The following MDGA2 variants were observed in gnomAD, a reference collection of about 807,000 sequenced individuals.
The protein encoded by MDGA2 is MAM domain containing glycosylphosphatidylinositol anchor 2, also known as MAM domain-containing glycosylphosphatidylinositol anchor protein 2.
A neutral mutation model predicts 117.8 loss-of-function variants in MDGA2; 40 were observed. The ratio of observed to expected loss-of-function variants is 0.34; its 90% CI spans 0.26 to 0.44. The LOEUF is 0.44. Ranked by LOEUF, MDGA2 falls within the 20% of genes least tolerant of loss-of-function variation. The pLI is 1.00. For missense variants in MDGA2, 1,123 were observed against 1,250.6 expected (o/e 0.90, Z 1.54); for synonymous variants, 452 against 439.0 (o/e 1.03, Z -0.37).
intron 1 of MDGA2, among the ~76,000 whole-genome samples, chr14:47,306,756 CA>C (rs1251883449): frequency 2.0e-5 from 3 of 151,778 alleles, no homozygotes; most frequent in African/African-American, 7.3e-5. Context: ...AACAGCTCAG[CA>C]AACCATGCTG....
chr14:47,308,135 A>C (rs1385127992), intron 1 of MDGA2, among the ~76,000 whole-genome samples: 1 of 152,186 alleles, frequency 6.6e-6, no homozygotes, highest in Non-Finnish European at 1.5e-5. Flanking sequence ...ATTTTGACTG[A>C]GCAATGGCTG....
intron 11 of MDGA2, among the ~76,000 whole-genome samples, chr14:46,878,383 T>C (rs1011975150): frequency 8.6e-5 from 13 of 151,976 alleles, no homozygotes; most frequent in African/African-American, 3.1e-4. Context: ...CAGAATGTAG[T>C]TTCCCAGGAT....
At chr14:47,398,434 T>C (rs188203054) in intron 1 of MDGA2, among the ~76,000 whole-genome samples, 11 of 152,306 alleles carry the variant, frequency 7.2e-5, no homozygotes, top group African/African-American at 2.4e-4. Flanking sequence ...CCATCTCATT[T>C]TATACTTTAC....
intron 2 of MDGA2, among the ~76,000 whole-genome samples, chr14:47,224,808 A>G (rs1886427231): frequency 6.6e-6 from 1 of 152,200 alleles, no homozygotes; most frequent in South Asian, 2.1e-4. Context: ...AATTATTAAT[A>G]GGCAGAGTTT....
In MDGA2 at chr14:47,324,834, C is replaced by G. The variant is rs561269307; in HGVS notation, c.281-23284G>C. On this transcript the variant is annotated intron_variant, in intron 1 of 16. Transcript: ENST00000399232. ...AAATGTTGTAATTCAGTATTGTATA[C>G]ACAGAGAGAGAGAGAGAGAAAGAGA... 2.0e-4 allele frequency among the ~76,000 whole-genome samples: 31 copies of G among 151,524 alleles called. No individual in the cohort carries two copies. In the South Asian group the frequency reaches 6.1e-3, roughly 30 times the overall value.
chr14:47,390,294 C>A (rs974818314), intron 1 of MDGA2, among the ~76,000 whole-genome samples: 28 of 152,142 alleles, frequency 1.8e-4, no homozygotes, highest in Non-Finnish European at 1.5e-5. Context: ...AGCTTTACAA[C>A]CCCAGAATGT....
chr14:47,490,653 T>A (rs1894149976), intron 1 of MDGA2, among the ~76,000 whole-genome samples: 1 of 152,160 alleles, frequency 6.6e-6, no homozygotes, highest in African/African-American at 2.4e-5. Context: ...TTAAAGGTGT[T>A]AAATTGTAGA....
intron 1 of MDGA2, among the ~76,000 whole-genome samples, chr14:47,547,163 T>TA (rs1196605163): frequency 2.0e-5 from 3 of 152,278 alleles, no homozygotes; most frequent in Admixed American, 2.0e-4. Context: ...TCATTATTGA[T>TA]AAGACAGTGA....
At chr14:47,222,833 G>C (rs972130796) in intron 2 of MDGA2, among the ~76,000 whole-genome samples, 1 of 152,068 alleles carries the variant, frequency 6.6e-6, no homozygotes, top group African/African-American at 2.4e-5. Context: ...TGTTCAAAGA[G>C]AAAATTAAAA....
intron 1 of MDGA2, among the ~76,000 whole-genome samples, chr14:47,421,864 A>G (rs1892586683): frequency 6.6e-6 from 1 of 152,138 alleles, no homozygotes; most frequent in African/African-American, 2.4e-5. Context: ...GAGTTTGTTT[A>G]GTTTGCTTTG....
chr14:46,866,395 G>C (rs1881762484), intron 14 of MDGA2, among the ~76,000 whole-genome samples: 1 of 152,178 alleles, frequency 6.6e-6, no homozygotes, highest in South Asian at 2.1e-4. Context: ...ATCAATTAAA[G>C]ATGGATTAAA....
chr14:47,204,077 AAAGGACTATAC>A (rs1885600813), intron 3 of MDGA2, among the ~76,000 whole-genome samples: 2 of 152,152 alleles, frequency 1.3e-5, no homozygotes, highest in South Asian at 4.1e-4. Flanking sequence ...GAACATTTTG[AAAGGACTATAC>A]AATCTTAATT....
At chr14:47,079,607 A>G (rs1890624048) in intron 6 of MDGA2, among the ~76,000 whole-genome samples, 2 of 152,154 alleles carry the variant, frequency 1.3e-5, no homozygotes, top group African/African-American at 4.8e-5. Flanking sequence ...TACTTTAGAA[A>G]GACATTTATT....
intron 1 of MDGA2, among the ~76,000 whole-genome samples, chr14:47,316,918 A>G (rs1889826789): frequency 6.6e-6 from 1 of 152,124 alleles, no homozygotes; most frequent in Non-Finnish European, 1.5e-5. Flanking sequence ...GAATGAGAGA[A>G]CTGAGGGTCT....
intron 2 of MDGA2, among the ~76,000 whole-genome samples, chr14:47,276,270 G>A (rs2139719874): frequency 6.6e-6 from 1 of 152,248 alleles, no homozygotes; most frequent in East Asian, 1.9e-4. Flanking sequence ...CTCCTTAGAT[G>A]AATGAGGAAA....
chr14:46,934,855 T>C (rs184437478), intron 9 of MDGA2, among the ~76,000 whole-genome samples: 1 of 152,252 alleles, frequency 6.6e-6, no homozygotes, highest in East Asian at 1.9e-4. Context: ...ACTACTTTTT[T>C]GTCAGTGGGT....
intron 8 of MDGA2, among the ~76,000 whole-genome samples, chr14:47,025,905 T>C (rs1888456491): frequency 6.6e-6 from 1 of 152,132 alleles, no homozygotes; most frequent in Non-Finnish European, 1.5e-5. Context: ...AAGGGCATGT[T>C]GGCAAGCTAT....
At chr14:46,991,878 A>G (rs1887104907) in intron 8 of MDGA2, among the ~76,000 whole-genome samples, 1 of 152,140 alleles carries the variant, frequency 6.6e-6, no homozygotes, top group Non-Finnish European at 1.5e-5. Flanking sequence ...ATCTGTAATA[A>G]CACAGAATTC....
chr14:47,383,951 A>G (rs1222155836), intron 1 of MDGA2, among the ~76,000 whole-genome samples: 2 of 151,510 alleles, frequency 1.3e-5, no homozygotes, highest in Non-Finnish European at 2.9e-5. Context: ...AGCCTAGCAT[A>G]AAGTCTCTAT....
Sources: gnomAD v4.1 joint callset for allele counts (sites outside exome capture counted in the v4.1 genomes callset) on GRCh38, gnomAD v4.1.1 for gene constraint, MANE v1.5 for transcripts, NCBI Gene and HGNC (gene_info 2026-07-23, HGNC 2026-07-21) for gene names.